CAP2: variants seen among roughly 807,000 people sequenced by gnomAD.
CAP2 encodes the protein cyclase associated actin cytoskeleton regulatory protein 2.
A neutral mutation model predicts 57.7 loss-of-function variants in CAP2; 24 were observed. The observed-to-expected ratio is 0.42, with a 90% CI of 0.30 to 0.58. CAP2 has a LOEUF of 0.58. Ranked by LOEUF, CAP2 falls within the 20% of genes least tolerant of loss-of-function variation. The pLI is 0.22. For synonymous variants in CAP2, 194 were observed against 207.2 expected, an observed-to-expected ratio of 0.94 and a Z score of 0.55; for missense variants, 501 against 590.3, an observed-to-expected ratio of 0.85 and a Z score of 1.57.
At chr6:17,536,089 G>A (rs1007955010) in intron 7 of CAP2, 4 of 402,816 alleles carry the variant, frequency 9.9e-6, no homozygotes, top group African/African-American at 8.2e-5. Flanking sequence ...AAAGTGCTGG[G>A]ACTACATACA....
At chr6:17,525,218 ATCTT>A (rs1345829801) in intron 7 of CAP2, among the ~76,000 whole-genome samples, 1 of 151,984 alleles carries the variant, frequency 6.6e-6, no homozygotes, top group African/African-American at 2.4e-5. Flanking sequence ...AGAGTATTAA[ATCTT>A]TCTCTCCATC....
At position 17,533,630 on chromosome 6, in the gene CAP2, G is replaced by A. The variant is rs552737622; in HGVS notation, c.637-5639G>A. Among the ~76,000 whole-genome samples, 16 of 150,726 alleles carry A rather than the reference G, an allele frequency of 1.1e-4. No individual in the cohort carries two copies. In the East Asian group the frequency reaches 1.8e-3, roughly 16 times the overall value. ...TGTCACCAGGCTGAAGTACAGTGGCGTGATCTCGGCTCACTGCAACCTCTG... is the reference window on the plus strand; with the variant it reads ...TGTCACCAGGCTGAAGTACAGTGGCATGATCTCGGCTCACTGCAACCTCTG... On this transcript the variant is annotated intron_variant, in intron 7 of 12. Coordinates refer to ENST00000229922, the MANE Select transcript of CAP2 (RefSeq NM_006366.3).
intron 4 of CAP2, among the ~76,000 whole-genome samples, chr6:17,476,726 A>G (rs1460093381): frequency 3.3e-5 from 5 of 152,154 alleles, no homozygotes; most frequent in African/African-American, 1.2e-4. Flanking sequence ...AGGAGAGAGG[A>G]TAGAGAAAGA....
chr6:17,543,060 G>C lies in CAP2; in HGVS notation c.1127-1G>C. ...TTTTGTTGTGTTTTTTCTCCCCACA[G>C]ACAACTGTAAAAAACTCGGCCTGGT... is the stretch of plus-strand genomic sequence containing the variant. On this transcript the variant is annotated splice_acceptor_variant, in intron 10 of 12. Transcript: ENST00000229922. LOFTEE classifies it high-confidence loss of function. 6.2e-7 allele frequency: 1 copy of C among 1,613,888 alleles called. No homozygotes were observed. Among genetic ancestry groups the C allele is most frequent in the Non-Finnish European group, 8.5e-7 (1 of 1,179,744 alleles).
intron 4 of CAP2, among the ~76,000 whole-genome samples, chr6:17,476,402 T>A (rs919433375): frequency 6.6e-6 from 1 of 152,240 alleles, no homozygotes; most frequent in Non-Finnish European, 1.5e-5. Context: ...AGAAAAGCAC[T>A]GGACCACCCA....
At chr6:17,536,845 T>C (rs1470083042) in intron 7 of CAP2, among the ~76,000 whole-genome samples, 2 of 152,204 alleles carry the variant, frequency 1.3e-5, no homozygotes, top group East Asian at 1.9e-4. Context: ...GAATACTGTT[T>C]GATGTCCAAA....
intron 3 of CAP2, among the ~76,000 whole-genome samples, chr6:17,446,032 C>T (rs910041): frequency 0.58 from 87,591 of 151,986 alleles, 25,548 homozygotes; most frequent in East Asian, 0.84. Context: ...TACTATACTT[C>T]GTATTTCAGT....
At chr6:17,514,877 TTA>T (rs199975948) in intron 7 of CAP2, among the ~76,000 whole-genome samples, 1,948 of 152,170 alleles carry the variant, frequency 0.013, 23 homozygotes, top group Middle Eastern at 0.02. Flanking sequence ...TTGCAAAAGT[TTA>T]TGAGTATTAA....
intron 11 of CAP2, among the ~76,000 whole-genome samples, chr6:17,546,980 A>G (rs1014621814): frequency 2.0e-5 from 3 of 152,206 alleles, no homozygotes; most frequent in Non-Finnish European, 4.4e-5. Context: ...AACTTCAGCA[A>G]AGTCTCAGGA....
intron 4 of CAP2, among the ~76,000 whole-genome samples, chr6:17,504,900 T>G (rs1761937638): frequency 6.6e-6 from 1 of 152,194 alleles, no homozygotes; most frequent in Non-Finnish European, 1.5e-5. Flanking sequence ...TGACCCAGTT[T>G]AGACTCCTGG....
intron 4 of CAP2, among the ~76,000 whole-genome samples, chr6:17,470,185 A>G (rs1229916730): frequency 1.3e-5 from 2 of 152,330 alleles, no homozygotes; most frequent in East Asian, 3.9e-4. Flanking sequence ...TTTTCTCGGT[A>G]TCTACTGGAG....
intron 7 of CAP2, among the ~76,000 whole-genome samples, chr6:17,519,429 T>G (rs944617941): frequency 9.8e-5 from 15 of 152,302 alleles, no homozygotes; most frequent in African/African-American, 3.4e-4. Flanking sequence ...CCATGGTAAA[T>G]GGAATCTTGT....
rs1554129272 is a variant in CAP2, at chr6:17,526,969, A to AAAAAG, written c.637-12296_637-12295insGAAAA. Among the ~76,000 whole-genome samples, 374 of 150,366 alleles carry AAAAAG rather than the reference A, an allele frequency of 2.5e-3. 4 individuals are homozygous for AAAAAG. The highest frequency in any genetic ancestry group is 8.6e-3 in the African/African-American group (349 of 40,414). The stretch of plus-strand genomic sequence containing the variant: ...AAGACTCTGTCTCAAAAAAAAAAAA[A>AAAAAG]AAAAAAAAAGAACACATAGGCAAGC... On this transcript the variant is annotated intron_variant, in intron 7 of 12. Coordinates refer to ENST00000229922, the MANE Select transcript of CAP2 (RefSeq NM_006366.3).
chr6:17,463,155 A>G, intron 4 of CAP2, 82 bp downstream of exon 4: 1 of 952,196 alleles, frequency 1.1e-6, no homozygotes, highest in Non-Finnish European at 1.7e-6. Context: ...AGAAGCATTT[A>G]TTATAGTCGA....
intron 1 of CAP2, among the ~76,000 whole-genome samples, chr6:17,397,416 T>G (rs1277765595): frequency 6.6e-6 from 1 of 150,748 alleles, no homozygotes; most frequent in East Asian, 2.1e-4. Context: ...CACATTGGGC[T>G]GGGCGTGGTG....
intron 4 of CAP2, among the ~76,000 whole-genome samples, chr6:17,480,761 G>T (rs551021600): frequency 1.3e-5 from 2 of 148,814 alleles, no homozygotes; most frequent in Non-Finnish European, 3.0e-5. Flanking sequence ...GGTGCTAAAT[G>T]TGGTTTTTTT....
chr6:17,519,269 G>A (rs1009272526), intron 7 of CAP2, among the ~76,000 whole-genome samples: 1 of 151,592 alleles, frequency 6.6e-6, no homozygotes, highest in Admixed American at 6.6e-5. Context: ...CTGCTGCCCT[G>A]TTCAGTTGTC....
At chr6:17,522,714 A>G (rs1581592759) in intron 7 of CAP2, among the ~76,000 whole-genome samples, 1 of 152,232 alleles carries the variant, frequency 6.6e-6, no homozygotes, top group Admixed American at 6.5e-5. Context: ...GGTTGGGGCC[A>G]GATGGTGAAA....
At chr6:17,518,478 G>T (rs1762319865) in intron 7 of CAP2, among the ~76,000 whole-genome samples, 1 of 152,048 alleles carries the variant, frequency 6.6e-6, no homozygotes, top group African/African-American at 2.4e-5. Flanking sequence ...TGGTCTTTGG[G>T]AGGAAAAAAT....
Sources: gnomAD v4.1 joint callset for allele counts (sites outside exome capture counted in the v4.1 genomes callset) on GRCh38, gnomAD v4.1.1 for gene constraint, MANE v1.5 for transcripts, NCBI Gene and HGNC (gene_info 2026-07-23, HGNC 2026-07-21) for gene names.